LGMN: variants seen among roughly 807,000 people sequenced by gnomAD.
The protein encoded by LGMN is legumain.
In LGMN, 36 loss-of-function variants were observed where a neutral mutation model predicts 56.8. That is an observed-to-expected ratio of 0.63 (90% CI 0.49 to 0.84). LGMN has a LOEUF of 0.84. LGMN is among the 40% of genes least tolerant of loss of function. The pLI, the probability that LGMN is intolerant of heterozygous loss-of-function variation, is 0.00. For synonymous variants in LGMN, 199 were observed against 210.1 expected (o/e 0.95, Z 0.46); for missense variants, 446 against 556.1 (o/e 0.80, Z 1.99).
In LGMN at chr14:92,747,848, G is replaced by A. The variant is rs765426733; in HGVS notation, c.-30+641C>T. On this transcript the variant is annotated intron_variant, in intron 1 of 13. Coordinates refer to ENST00000334869, the MANE Select transcript of LGMN (RefSeq NM_005606.7). ...ACAAAGTTTCTTCTTCCAGCCCCCA[G>A]ATACTATAATGCTTGGCATAGAACA... Among the ~76,000 whole-genome samples the A allele has an allele frequency of 1.8e-4, 27 of 152,144 alleles. 1 individual carries two copies. The highest frequency in any genetic ancestry group is 3.3e-4 in the Admixed American group (5 of 15,268).
intron 1 of LGMN, among the ~76,000 whole-genome samples, chr14:92,744,872 G>A (rs755108178): frequency 2.2e-4 from 34 of 152,314 alleles, no homozygotes; most frequent in Non-Finnish European, 4.6e-4. Context: ...GGCATTACAG[G>A]TGTGAGCCAC....
In LGMN at chr14:92,726,168, C is replaced by T. The variant is rs547529801; in HGVS notation, c.138+6481G>A. On this transcript the variant is annotated intron_variant, in intron 2 of 13. Coordinates refer to ENST00000334869, the MANE Select transcript of LGMN (RefSeq NM_005606.7). Reference sequence around the variant, plus strand: ...AGGAGAATCGCTTAAACCCAGGAGGCGGAGACTGCAGTGAGCTGAGATCAC... The same window carrying T: ...AGGAGAATCGCTTAAACCCAGGAGGTGGAGACTGCAGTGAGCTGAGATCAC... 6.4e-4 allele frequency among the ~76,000 whole-genome samples: 96 copies of T among 150,734 alleles called. 1 individual carries two copies. Among genetic ancestry groups the T allele is most frequent in the Non-Finnish European group, 1.2e-3 (81 of 67,788 alleles).
intron 7 of LGMN, among the ~76,000 whole-genome samples, chr14:92,713,224 T>C (rs1465113014): frequency 6.6e-6 from 1 of 152,026 alleles, no homozygotes; most frequent in Non-Finnish European, 1.5e-5. Context: ...ACCCAACCCA[T>C]GCAGGTTTTT....
At chr14:92,704,433 C>T in intron 13 of LGMN, 72 bp from the exon 14 acceptor site, 1 of 1,314,112 alleles carries the variant, frequency 7.6e-7, no homozygotes, top group Admixed American at 1.8e-5. Flanking sequence ...CGCAAACCCA[C>T]ATGCGGCAGG....
rs572648452 is a variant in LGMN at position 92,732,774 on chromosome 14, C to T, written c.13G>A (p.Val5Ile). 5.0e-5 allele frequency: 80 copies of T among 1,613,926 alleles called. No individual in the cohort carries two copies. The highest frequency in any genetic ancestry group is 6.5e-5 in the Non-Finnish European group (77 of 1,179,962). Residue 5 changes from valine (V) to isoleucine (I), a missense_variant, in exon 2 of 14, where the codon GTA becomes ATA. Physicochemically the swap from Val to Ile is conservative, Grantham distance 29. Coordinates refer to ENST00000334869, the MANE Select transcript of LGMN (RefSeq NM_005606.7). The stretch of plus-strand genomic sequence containing the variant: ...AGGGCCACACTGAGGAATACAGCTA[C>T]TTTCCAAACCATTCTGCACCTTGGA... MVWK[V>I]AVFLSVALGI...
intron 7 of LGMN, among the ~76,000 whole-genome samples, chr14:92,713,172 T>A (rs919787215): frequency 2.0e-5 from 3 of 152,086 alleles, no homozygotes; most frequent in Non-Finnish European, 4.4e-5. Context: ...TCAAAGACCA[T>A]ACAGTGCAGC....
At chr14:92,718,902 T>A (rs1890207780) in intron 2 of LGMN, 58 bp from the exon 3 acceptor site, 3 of 1,188,930 alleles carry the variant, frequency 2.5e-6, no homozygotes, top group Non-Finnish European at 3.8e-6. Flanking sequence ...ATTTTGGAGT[T>A]CTAAGGAGTG....
At chr14:92,729,228 C>T (rs1211843091) in intron 2 of LGMN, among the ~76,000 whole-genome samples, 2 of 151,332 alleles carry the variant, frequency 1.3e-5, no homozygotes, top group Non-Finnish European at 2.9e-5. Flanking sequence ...GGCCCCTCTC[C>T]CAGGTCTGCC....
intron 6 of LGMN, 49 bp from the exon 7 acceptor site, chr14:92,713,934 G>T: frequency 7.2e-7 from 1 of 1,387,418 alleles, no homozygotes; most frequent in Non-Finnish European, 1.0e-6. Context: ...GAAACTATTT[G>T]CTGGATAAGC....
intron 1 of LGMN, among the ~76,000 whole-genome samples, chr14:92,745,723 T>A (rs1891785505): frequency 6.6e-6 from 1 of 152,238 alleles, no homozygotes; most frequent in African/African-American, 2.4e-5. Context: ...GGCTTCTTAG[T>A]ATTTTCTAGA....
intron 2 of LGMN, among the ~76,000 whole-genome samples, chr14:92,721,310 G>A (rs1048321715): frequency 3.9e-5 from 6 of 152,194 alleles, no homozygotes; most frequent in Non-Finnish European, 7.3e-5. Flanking sequence ...GAGGATGGAA[G>A]AAGGGGCCAT....
At chr14:92,728,451 A>T (rs1312487325) in intron 2 of LGMN, among the ~76,000 whole-genome samples, 3 of 152,228 alleles carry the variant, frequency 2.0e-5, no homozygotes, top group African/African-American at 7.2e-5. Context: ...ACTGCAGACA[A>T]ATGGAACACA....
chr14:92,717,913 C>T (rs767709037), intron 3 of LGMN, among the ~76,000 whole-genome samples: 3 of 152,182 alleles, frequency 2.0e-5, no homozygotes, highest in Non-Finnish European at 4.4e-5. Flanking sequence ...GCGTCCTTCA[C>T]CGCAGCAGGG....
intron 2 of LGMN, among the ~76,000 whole-genome samples, chr14:92,723,640 A>G (rs1345660330): frequency 6.6e-6 from 1 of 152,240 alleles, no homozygotes; most frequent in Admixed American, 6.5e-5. Flanking sequence ...AGCTCCACTG[A>G]TAGGAAATGT....
intron 2 of LGMN, among the ~76,000 whole-genome samples, chr14:92,730,133 AC>A (rs1203620426): frequency 6.6e-6 from 1 of 152,232 alleles, no homozygotes; most frequent in Non-Finnish European, 1.5e-5. Flanking sequence ...TCTGTATTTC[AC>A]AACTAATCTT....
chr14:92,719,165 CCACCACCACCACCACCAT>C (rs1566923639), intron 2 of LGMN, among the ~76,000 whole-genome samples: 11 of 88,206 alleles, frequency 1.2e-4, no homozygotes, highest in Non-Finnish European at 1.5e-4. Flanking sequence ...ACTGCCACCA[CCACCACCACCACCACCAT>C]CACCACCACC....
chr14:92,726,853 T>C (rs1451195324), intron 2 of LGMN, among the ~76,000 whole-genome samples: 1 of 152,106 alleles, frequency 6.6e-6, no homozygotes, highest in Non-Finnish European at 1.5e-5. Flanking sequence ...CTTCCCTGAG[T>C]GTGAACTGGA....
intron 1 of LGMN, among the ~76,000 whole-genome samples, chr14:92,744,869 C>G (rs1292365668): frequency 6.6e-6 from 1 of 152,198 alleles, no homozygotes; most frequent in African/African-American, 2.4e-5. Flanking sequence ...GCTGGCATTA[C>G]AGGTGTGAGC....
Position 92,716,220 on chromosome 14 carries a change from T to C in LGMN, c.320A>G (p.Asp107Gly), listed in dbSNP as rs749188824. 7.5e-6 allele frequency: 12 copies of C among 1,610,454 alleles called. No homozygotes were observed. Among genetic ancestry groups the C allele is most frequent in the African/African-American group, 6.7e-5 (5 of 74,826 alleles). ...QGVPKDYTGE[D>G]VTPQNFLAVL... ...AGCAAGGAAATTTTGTGGGGTAACA[T>C]CCTACAAAGAATTAGGAGCCACAAT... is the stretch of plus-strand genomic sequence containing the variant. Residue 107 changes from aspartate (D) to glycine (G), a missense_variant and splice_region_variant, in exon 5 of 14, where the codon GAT becomes GGT. Transcript: ENST00000334869.
Sources: gnomAD v4.1 joint callset for allele counts (sites outside exome capture counted in the v4.1 genomes callset) on GRCh38, gnomAD v4.1.1 for gene constraint, MANE v1.5 for transcripts, NCBI Gene and HGNC (gene_info 2026-07-23, HGNC 2026-07-21) for gene names.